Variants in ZNRF3 observed in about 807,000 individuals in gnomAD.
The protein encoded by ZNRF3 is zinc and ring finger 3, also known as E3 ubiquitin-protein ligase ZNRF3.
A neutral mutation model predicts 72.5 loss-of-function variants in ZNRF3; 23 were observed. The ratio of observed to expected loss-of-function variants is 0.32; its 90% CI spans 0.23 to 0.45. The LOEUF (loss-of-function observed/expected upper bound fraction) is 0.45, where lower values mean the gene tolerates loss of function less well. ZNRF3 is among the 20% of genes least tolerant of loss of function. ZNRF3 has a pLI of 1.00. For missense variants in ZNRF3, 1,169 were observed against 1,272.1 expected, an observed-to-expected ratio of 0.92 and a Z score of 1.23; for synonymous variants, 610 against 545.3, an observed-to-expected ratio of 1.12 and a Z score of -1.65.
intron 1 of ZNRF3, among the ~76,000 whole-genome samples, chr22:28,939,291 A>AC (rs1324637451): frequency 6.6e-6 from 1 of 151,874 alleles, no homozygotes. Context: ...CTCAAAAAAA[A>AC]AAAAAAAACA....
chr22:28,952,533 T>C (rs1166988734), intron 1 of ZNRF3, among the ~76,000 whole-genome samples: 1 of 152,172 alleles, frequency 6.6e-6, no homozygotes, highest in Non-Finnish European at 1.5e-5. Context: ...TTGGTTCTTT[T>C]GTATATTAGC....
intron 1 of ZNRF3, among the ~76,000 whole-genome samples, chr22:28,944,671 C>T (rs1196640136): frequency 6.6e-6 from 1 of 150,814 alleles, no homozygotes; most frequent in Non-Finnish European, 1.5e-5. Flanking sequence ...AGGAGAATCA[C>T]TTGAACCCAG....
At chr22:29,021,874 GCACACA>G (rs933500043) in intron 2 of ZNRF3, among the ~76,000 whole-genome samples, 1 of 151,766 alleles carries the variant, frequency 6.6e-6, no homozygotes, top group Non-Finnish European at 1.5e-5. Context: ...TGACCTATAT[GCACACA>G]CACATACACA....
chr22:28,883,645 C>T lies in ZNRF3; in HGVS notation c.-122C>T, dbSNP rs1349638896. 21 of 950,704 alleles carry T rather than the reference C, an allele frequency of 2.2e-5. No homozygotes were observed. Among genetic ancestry groups the T allele is most frequent in the Admixed American group, 6.2e-5 (1 of 16,194 alleles). 58.9% of individuals were successfully genotyped at this position (950,704 alleles called of 1,614,324 possible). A position where few individuals can be genotyped will look rare whatever the true frequency, so the allele number is the denominator to read the frequency against. ...GGGGAGCCGAGCTGAGCCTGCGACC[C>T]ACAAAGCCGCCGCCGCCGCCGCCGT... On this transcript the variant is annotated 5_prime_UTR_variant, in exon 1 of 9. Transcript: ENST00000544604. The surrounding 1 kb of genome is among the most constrained non-coding windows in gnomAD (Gnocchi z 5.5).
In ZNRF3 at chr22:28,898,182, G is replaced by A. The variant is rs562061982; in HGVS notation, c.300+14116G>A. The stretch of plus-strand genomic sequence containing the variant: ...AGGCTGCTCTTGGACTCCTAAGCTC[G>A]GGTGATCTATGCACCTCGGCCTCCC... On this transcript the variant is annotated intron_variant, in intron 1 of 8. Transcript: ENST00000544604. Among the ~76,000 whole-genome samples the A allele has an allele frequency of 5.3e-5, 8 of 152,100 alleles. No individual in the cohort carries two copies. In the East Asian group the frequency reaches 1.2e-3, roughly 22 times the overall value.
chr22:28,954,823 C>T (rs1324911406), intron 1 of ZNRF3, among the ~76,000 whole-genome samples: 1 of 152,096 alleles, frequency 6.6e-6, no homozygotes, highest in African/African-American at 2.4e-5. Context: ...CCGTGTTGCC[C>T]AGGCTGGCCT....
At chr22:28,960,391 A>T (rs1163475644) in intron 1 of ZNRF3, among the ~76,000 whole-genome samples, 1 of 152,164 alleles carries the variant, frequency 6.6e-6, no homozygotes, top group African/African-American at 2.4e-5. Context: ...TCAGCCCAGA[A>T]AGTTCCCTGG....
chr22:28,894,896 G>C (rs531954025), intron 1 of ZNRF3, among the ~76,000 whole-genome samples: 1 of 152,302 alleles, frequency 6.6e-6, no homozygotes, highest in South Asian at 2.1e-4. Context: ...TCTGGCATCA[G>C]TGGGTCCACA....
intron 5 of ZNRF3, among the ~76,000 whole-genome samples, chr22:29,045,665 C>T (rs1285140600): frequency 1.3e-5 from 2 of 152,044 alleles, no homozygotes; most frequent in South Asian, 2.1e-4. Context: ...TTAATAGAGA[C>T]GGGGTTTTAC....
intron 1 of ZNRF3, among the ~76,000 whole-genome samples, chr22:28,886,071 G>A (rs1272670092): frequency 6.6e-6 from 1 of 152,198 alleles, no homozygotes; most frequent in Non-Finnish European, 1.5e-5. Flanking sequence ...TGAGCTGTCT[G>A]AATAGTCATT....
chr22:28,935,633 C>T (rs879883382), intron 1 of ZNRF3, among the ~76,000 whole-genome samples: 3 of 152,184 alleles, frequency 2.0e-5, no homozygotes, highest in Non-Finnish European at 2.9e-5. Context: ...ACAGATCTGG[C>T]CAGCCACCTT....
chr22:28,987,286 T>C, intron 2 of ZNRF3, 85 bp downstream of exon 2: 1 of 1,540,086 alleles, frequency 6.5e-7, no homozygotes, highest in Non-Finnish European at 8.7e-7. Flanking sequence ...TAGTTGATTA[T>C]GGAGAAGAGC....
chr22:29,032,909 G>A (rs76891380), intron 2 of ZNRF3, among the ~76,000 whole-genome samples: 2,734 of 152,306 alleles, frequency 0.018, 45 homozygotes, highest in South Asian at 0.034. Flanking sequence ...ACTGGGCACC[G>A]CAGCCTGAGG....
At chr22:29,023,339 A>AT (rs1405257082) in intron 2 of ZNRF3, among the ~76,000 whole-genome samples, 1 of 152,204 alleles carries the variant, frequency 6.6e-6, no homozygotes. Flanking sequence ...TGACCTCAGG[A>AT]AAGTCATGCC....
At chr22:28,977,727 G>C (rs1026213237) in intron 1 of ZNRF3, among the ~76,000 whole-genome samples, 1 of 152,220 alleles carries the variant, frequency 6.6e-6, no homozygotes, top group Non-Finnish European at 1.5e-5. Flanking sequence ...AACCCACTTA[G>C]AAGCAGGCGG....
At chr22:28,910,821 T>G (rs1400375948) in intron 1 of ZNRF3, among the ~76,000 whole-genome samples, 1 of 152,146 alleles carries the variant, frequency 6.6e-6, no homozygotes, top group Non-Finnish European at 1.5e-5. Context: ...TAAGGAAGAT[T>G]GGTGCTTGGA....
intron 2 of ZNRF3, among the ~76,000 whole-genome samples, chr22:28,987,980 A>G (rs1351385381): frequency 1.3e-5 from 2 of 152,204 alleles, no homozygotes; most frequent in Non-Finnish European, 2.9e-5. Context: ...AAGTACTAAA[A>G]AAGACTTTTT....
In ZNRF3 at chr22:29,052,728, C is replaced by T. The variant is rs572258321; in HGVS notation, c.2768-851C>T. Among the ~76,000 whole-genome samples the T allele has an allele frequency of 2.0e-5, 3 of 151,388 alleles. No individual in the cohort carries two copies. The East Asian group carries it at 5.8e-4, about 29-fold the overall frequency. On this transcript the variant is annotated intron_variant, in intron 8 of 8. Coordinates refer to ENST00000544604, the MANE Select transcript of ZNRF3 (RefSeq NM_001206998.2). ...AAAAAAGTTAACTCCTGGCTGAGTG[C>T]TTTGGAAGGCCAAGGCAGGAGGATC...
chr22:28,908,792 C>T (rs890580646), intron 1 of ZNRF3, among the ~76,000 whole-genome samples: 1 of 152,022 alleles, frequency 6.6e-6, no homozygotes, highest in Admixed American at 6.6e-5. Context: ...TTTTTTAAAG[C>T]GGTGATTAGA....
Sources: gnomAD v4.1 joint callset for allele counts (sites outside exome capture counted in the v4.1 genomes callset) on GRCh38, gnomAD v4.1.1 for gene constraint, Gnocchi (gnomAD v3.1) non-coding constraint, MANE v1.5 for transcripts, NCBI Gene and HGNC (gene_info 2026-07-23, HGNC 2026-07-21) for gene names.